The following COL4A5 variants were observed in gnomAD, a reference collection of about 807,000 sequenced individuals.
COL4A5 encodes collagen alpha-5(IV) chain.
A neutral mutation model predicts 130.2 loss-of-function variants in COL4A5; 26 were observed. The ratio of observed to expected loss-of-function variants is 0.20; its 90% CI spans 0.15 to 0.28. COL4A5 has a LOEUF of 0.28. COL4A5 is among the 10% of genes least tolerant of loss of function. The pLI, the probability that COL4A5 is intolerant of heterozygous loss-of-function variation, is 1.00. For missense variants in COL4A5, 1,131 were observed against 1,344.3 expected (o/e 0.84, Z 2.48); for synonymous variants, 496 against 439.6 (o/e 1.13, Z -1.60).
chrX:108,538,824 A>T (rs757432565), intron 1 of COL4A5, among the ~76,000 whole-genome samples: 1 of 111,942 alleles, frequency 8.9e-6, no homozygotes, highest in African/African-American at 3.2e-5. Context: ...ATAGTACTGA[A>T]TGGCAGAAGT....
At chrX:108,695,175 G>T in intron 51 of COL4A5, 92 bp from the exon 52 acceptor site, 1 of 1,104,951 alleles carries the variant, frequency 9.1e-7, no homozygotes. Context: ...CACTAGATTT[G>T]AATTTGGCCA....
intron 37 of COL4A5, among the ~76,000 whole-genome samples, chrX:108,660,569 C>G (rs956403611): frequency 9.0e-6 from 1 of 111,616 alleles, no homozygotes. Flanking sequence ...ACTGTCTTTT[C>G]GTCTCCATTT....
intron 1 of COL4A5, among the ~76,000 whole-genome samples, chrX:108,458,052 A>G (rs1191168037): frequency 8.9e-6 from 1 of 111,799 alleles, no homozygotes; most frequent in Non-Finnish European, 1.9e-5. Flanking sequence ...CTTACCTATA[A>G]TTTTCAGAGA....
At chrX:108,587,717 A>T (rs1460724650) in intron 19 of COL4A5, among the ~76,000 whole-genome samples, 1 of 111,528 alleles carries the variant, frequency 9.0e-6, no homozygotes, top group Admixed American at 9.6e-5. Context: ...TAATGGTTGC[A>T]TTAATTTACA....
At chrX:108,592,066 G>A (rs1367514234) in intron 21 of COL4A5, among the ~76,000 whole-genome samples, 1 of 111,431 alleles carries the variant, frequency 9.0e-6, no homozygotes, top group Non-Finnish European at 1.9e-5. Context: ...AAATTTTCAT[G>A]TTTTCTGAGC....
intron 2 of COL4A5, among the ~76,000 whole-genome samples, chrX:108,550,456 C>A (rs1034698977): frequency 3.6e-5 from 4 of 111,887 alleles, no homozygotes; most frequent in African/African-American, 1.3e-4. Context: ...CAATAATTAT[C>A]TTAATCGATA....
intron 1 of COL4A5, among the ~76,000 whole-genome samples, chrX:108,472,998 A>G (rs989517542): frequency 7.2e-5 from 8 of 111,377 alleles, no homozygotes; most frequent in African/African-American, 1.3e-4. Flanking sequence ...TTTGATTTGC[A>G]TTTCTCTGGT....
intron 1 of COL4A5, among the ~76,000 whole-genome samples, chrX:108,444,211 T>C (rs1301692017): frequency 3.8e-5 from 4 of 104,738 alleles, no homozygotes. Flanking sequence ...TGTTCCAGAC[T>C]CTTTTTTTTT....
chrX:108,588,049 T>C (rs1452083573), intron 19 of COL4A5, among the ~76,000 whole-genome samples: 1 of 111,037 alleles, frequency 9.0e-6, no homozygotes, highest in East Asian at 2.8e-4. Context: ...AGCTCAATAC[T>C]GAGTTTTATA....
At chrX:108,555,143 T>G (rs1381231443) in intron 2 of COL4A5, among the ~76,000 whole-genome samples, 1 of 111,896 alleles carries the variant, frequency 8.9e-6, no homozygotes, top group Non-Finnish European at 1.9e-5. Context: ...AAAGTGTGCC[T>G]CTGTCAGTGG....
chrX:108,468,235 T>G (rs763210555), intron 1 of COL4A5, among the ~76,000 whole-genome samples: 3 of 111,625 alleles, frequency 2.7e-5, no homozygotes, highest in Non-Finnish European at 5.6e-5. Context: ...GACTTGAATT[T>G]TGGAGCATTT....
chrX:108,651,493 T>C (rs2067727697), intron 36 of COL4A5, among the ~76,000 whole-genome samples: 1 of 111,928 alleles, frequency 8.9e-6, no homozygotes, highest in Admixed American at 9.5e-5. Flanking sequence ...AACAAATGGG[T>C]GTGATTTTCC....
In COL4A5 at chrX:108,591,564, A is replaced by T. The variant is rs2066434214; in HGVS notation, c.1343A>T (p.Asp448Val). 8.4e-7 allele frequency: 1 copy of T among 1,195,132 alleles called. No homozygotes were observed. Among genetic ancestry groups the T allele is most frequent in the African/African-American group, 1.7e-5 (1 of 57,346 alleles). The change falls in exon 21 of 53, where the codon GAT (aspartate) becomes GTT (valine). Residue 448 changes from aspartate (D) to valine (V), a missense_variant. Asp to Val is a radical substitution (Grantham distance 152). Coordinates refer to ENST00000328300, the MANE Select transcript of COL4A5 (RefSeq NM_033380.3). Reference sequence around the variant, plus strand: ...ATCCTTTCTTTATCTTACTCAGGTGATGAGATATGTGAACCAGGCCCTCCA... The same window carrying T: ...ATCCTTTCTTTATCTTACTCAGGTGTTGAGATATGTGAACCAGGCCCTCCA... Reference protein sequence around the residue: ...GPAGPHIPPSDEICEPGPPGP... With the variant: ...GPAGPHIPPSVEICEPGPPGP...
intron 3 of COL4A5, among the ~76,000 whole-genome samples, chrX:108,561,947 C>A (rs1379396828): frequency 3.6e-5 from 4 of 111,617 alleles, no homozygotes; most frequent in Admixed American, 1.9e-4. Flanking sequence ...TGAATGTGTG[C>A]ATACAATTTT....
chrX:108,681,919 AT>A, intron 47 of COL4A5, 31 bp downstream of exon 47: 1 of 1,170,920 alleles, frequency 8.5e-7, no homozygotes, highest in Non-Finnish European at 1.2e-6. Context: ...TATTATCATT[AT>A]TATACTTTTA....
At chrX:108,493,278 T>C (rs1186007825) in intron 1 of COL4A5, among the ~76,000 whole-genome samples, 1 of 111,466 alleles carries the variant, frequency 9.0e-6, no homozygotes, top group Non-Finnish European at 1.9e-5. Flanking sequence ...GAGAACACCA[T>C]GGGGAAAGAC....
intron 42 of COL4A5, among the ~76,000 whole-genome samples, chrX:108,673,688 T>C (rs1330564063): frequency 9.2e-6 from 1 of 108,581 alleles, no homozygotes; most frequent in Non-Finnish European, 1.9e-5. Context: ...CAAATATATA[T>C]TGGCTTTTTC....
At chrX:108,610,519 C>T (rs2066815150) in intron 29 of COL4A5, among the ~76,000 whole-genome samples, 2 of 112,048 alleles carry the variant, frequency 1.8e-5, no homozygotes, top group South Asian at 7.4e-4. Flanking sequence ...CACCAGTTAT[C>T]TCCCCTAGCT....
chrX:108,451,781 C>T (rs1464961828), intron 1 of COL4A5, among the ~76,000 whole-genome samples: 12 of 109,766 alleles, frequency 1.1e-4, no homozygotes, highest in African/African-American at 4.0e-4. Flanking sequence ...AAAATTTTCT[C>T]CCATTTTGTA....
Sources: allele counts gnomAD v4.1 joint callset (sites outside exome capture counted in the v4.1 genomes callset), GRCh38; gene constraint gnomAD v4.1.1; transcripts MANE v1.5; gene names NCBI Gene and HGNC (gene_info 2026-07-23, HGNC 2026-07-21).